RBFOX1: variants seen among roughly 807,000 people sequenced by gnomAD.
RBFOX1 encodes the protein RNA binding protein fox-1 homolog 1.
A neutral mutation model predicts 57.7 loss-of-function variants in RBFOX1; 8 were observed. The ratio of observed to expected loss-of-function variants is 0.14; its 90% CI spans 0.08 to 0.25. The LOEUF is 0.25. Among genes scored for constraint, RBFOX1 ranks in the 10% least tolerant of loss-of-function variants. The probability of loss-of-function intolerance (pLI) is 1.00; values close to 1 mark genes in which losing one functional copy is unlikely to be tolerated. For missense variants in RBFOX1, 611 were observed against 548.5 expected (o/e 1.11, Z -1.14); for synonymous variants, 326 against 222.4 (o/e 1.47, Z -4.15).
chr16:7,537,761 A>T (rs1441363629), intron 5 of RBFOX1, among the ~76,000 whole-genome samples: 1 of 152,184 alleles, frequency 6.6e-6, no homozygotes, highest in Non-Finnish European at 1.5e-5. Context: ...GCCAGAGACT[A>T]AGCAAACCCC....
intron 4 of RBFOX1, among the ~76,000 whole-genome samples, chr16:5,938,944 G>A (rs892178539): frequency 6.6e-6 from 1 of 152,120 alleles, no homozygotes; most frequent in African/African-American, 2.4e-5. Flanking sequence ...TCCTTTGTAG[G>A]GACATGGATG....
chr16:7,492,706 G>C (rs76185251), intron 4 of RBFOX1, among the ~76,000 whole-genome samples: 1 of 618 alleles, frequency 1.6e-3, no homozygotes, highest in African/African-American at 1.7e-3. Flanking sequence ...CTTGGTGGTA[G>C]TGGCATGATA....
intron 3 of RBFOX1, among the ~76,000 whole-genome samples, chr16:6,974,336 C>CTTTTTTTTTTTTTTTTTTTTTTTT (rs59299498): frequency 1.7e-5 from 1 of 58,664 alleles, no homozygotes; most frequent in Non-Finnish European, 3.1e-5. Flanking sequence ...TTTTCTTTTT[C>CTTTTTTTTTTTTTTTTTTTTTTTT]TTTTTTTTTT....
intron 1 of RBFOX1, among the ~76,000 whole-genome samples, chr16:6,290,304 A>G (rs563903126): frequency 1.3e-5 from 2 of 150,274 alleles, no homozygotes; most frequent in Non-Finnish European, 3.0e-5. Flanking sequence ...AGGAAACAAG[A>G]TCATTAGAGG....
At chr16:7,431,917 G>A (rs77240350) in intron 4 of RBFOX1, among the ~76,000 whole-genome samples, 3,136 of 152,322 alleles carry the variant, frequency 0.021, 99 homozygotes, top group African/African-American at 0.072. Context: ...GCAGGGGCTT[G>A]TTTCTAGCTA....
chr16:5,528,719 G>T (rs944901905), intron 2 of RBFOX1, among the ~76,000 whole-genome samples: 1 of 149,866 alleles, frequency 6.7e-6, no homozygotes, highest in African/African-American at 2.5e-5. Flanking sequence ...GCGCAATCTC[G>T]GCTCACTGCA....
At chr16:7,440,374 G>A (rs2149855269) in intron 4 of RBFOX1, among the ~76,000 whole-genome samples, 1 of 152,276 alleles carries the variant, frequency 6.6e-6, no homozygotes, top group African/African-American at 2.4e-5. Context: ...GAGGGGGAAA[G>A]GAGGTAGAAA....
intron 11 of RBFOX1, among the ~76,000 whole-genome samples, chr16:7,651,967 G>C (rs115851307): frequency 2.0e-5 from 3 of 152,108 alleles, no homozygotes; most frequent in Non-Finnish European, 4.4e-5. Context: ...TGAAGGAAAA[G>C]TGGTTTGCTG....
chr16:6,088,117 C>G (rs570123916), intron 1 of RBFOX1, among the ~76,000 whole-genome samples: 1 of 152,314 alleles, frequency 6.6e-6, no homozygotes, highest in East Asian at 1.9e-4. Context: ...ATTTCAACCT[C>G]ATCATCTGTA....
At chr16:6,986,076 A>C (rs1393668115) in intron 3 of RBFOX1, among the ~76,000 whole-genome samples, 1 of 151,646 alleles carries the variant, frequency 6.6e-6, no homozygotes, top group Non-Finnish European at 1.5e-5. Context: ...CTTTTTAAAA[A>C]TGTGCAATAT....
chr16:6,191,679 C>G (rs578234428), intron 1 of RBFOX1, among the ~76,000 whole-genome samples: 1 of 152,098 alleles, frequency 6.6e-6, no homozygotes, highest in Non-Finnish European at 1.5e-5. Context: ...ATTTCTGTTG[C>G]CTTTTTATGG....
chr16:5,884,418 C>T (rs1380937670), intron 4 of RBFOX1, among the ~76,000 whole-genome samples: 1 of 151,878 alleles, frequency 6.6e-6, no homozygotes, highest in African/African-American at 2.4e-5. Flanking sequence ...AGCTCTGAGT[C>T]CACCAAAATC....
chr16:6,980,613 T>C (rs940678534), intron 3 of RBFOX1, among the ~76,000 whole-genome samples: 10 of 152,154 alleles, frequency 6.6e-5, no homozygotes, highest in African/African-American at 1.9e-4. Context: ...AGGTTTTAGC[T>C]GAAAAACTCC....
At chr16:7,191,756 A>G (rs2085446952) in intron 4 of RBFOX1, among the ~76,000 whole-genome samples, 1 of 152,220 alleles carries the variant, frequency 6.6e-6, no homozygotes, top group African/African-American at 2.4e-5. Flanking sequence ...GAAAGCTGAA[A>G]TAATTGAGTA....
chr16:5,748,171 G>A (rs997514995), intron 3 of RBFOX1, among the ~76,000 whole-genome samples: 4 of 152,142 alleles, frequency 2.6e-5, no homozygotes, highest in African/African-American at 9.7e-5. Context: ...CAGTTTCGAT[G>A]TAGTTGAGTG....
chr16:5,386,459 C>G (rs1254797588), intron 1 of RBFOX1, among the ~76,000 whole-genome samples: 1 of 152,138 alleles, frequency 6.6e-6, no homozygotes, highest in Non-Finnish European at 1.5e-5. Flanking sequence ...AGCATAGAAG[C>G]CAAAGCTGTC....
At chr16:5,520,902 C>A (rs2043986390) in intron 2 of RBFOX1, among the ~76,000 whole-genome samples, 1 of 152,154 alleles carries the variant, frequency 6.6e-6, no homozygotes, top group African/African-American at 2.4e-5. Flanking sequence ...ATGGGGTCTG[C>A]TCCTTCATTC....
intron 4 of RBFOX1, among the ~76,000 whole-genome samples, chr16:7,194,069 T>C (rs1371546189): frequency 2.6e-5 from 4 of 152,168 alleles, no homozygotes; most frequent in Non-Finnish European, 4.4e-5. Context: ...GAATCAATTA[T>C]TGGGAGAAGG....
chr16:5,692,232 C>A lies in RBFOX1; in HGVS notation c.318+93271C>A, dbSNP rs533788498. 5.8e-4 allele frequency among the ~76,000 whole-genome samples: 87 copies of A among 150,996 alleles called. 1 individual carries two copies. Among genetic ancestry groups the A allele is most frequent in the Non-Finnish European group, 9.1e-4 (62 of 67,844 alleles). On this transcript the variant is annotated intron_variant, in intron 3 of 19. Transcript: ENST00000641259. ...GTGTGTGTTTGTGTTTCACTGCTAG[C>A]AGATGCACAGAAGCTCCATTTGTTG...
Sources: gnomAD v4.1 joint callset for allele counts (sites outside exome capture counted in the v4.1 genomes callset) on GRCh38, gnomAD v4.1.1 for gene constraint, MANE v1.5 for transcripts, NCBI Gene and HGNC (gene_info 2026-07-23, HGNC 2026-07-21) for gene names.